The following RUNX1T1 variants were observed in gnomAD, a reference collection of about 807,000 sequenced individuals.
RUNX1T1 encodes the protein RUNX1 partner transcriptional co-repressor 1.
RUNX1T1 carries 4 observed loss-of-function variants against 62.8 expected under a neutral mutation model. The observed-to-expected ratio is 0.06, with a 90% confidence interval of 0.03 to 0.15. The LOEUF (loss-of-function observed/expected upper bound fraction) is 0.15, where lower values mean the gene tolerates loss of function less well. Among genes scored for constraint, RUNX1T1 ranks in the 10% least tolerant of loss-of-function variants. The pLI, the probability that RUNX1T1 is intolerant of heterozygous loss-of-function variation, is 1.00. For synonymous variants in RUNX1T1, 291 were observed against 286.0 expected (o/e 1.02, Z -0.18); for missense variants, 508 against 754.3 (o/e 0.67, Z 3.82).
At chr8:92,064,793 A>G (rs1832619257), upstream of RUNX1T1, among the ~76,000 whole-genome samples, 1 of 152,210 alleles carries the variant, frequency 6.6e-6, no homozygotes, top group African/African-American at 2.4e-5. Flanking sequence ...GGGTCTTAAT[A>G]TCGGTACACT....
At chr8:91,992,857 T>C (rs547188691) in intron 5 of RUNX1T1, among the ~76,000 whole-genome samples, 3 of 152,352 alleles carry the variant, frequency 2.0e-5, no homozygotes, top group South Asian at 4.1e-4. Flanking sequence ...TAAGACCTGA[T>C]AACTAGTCAC....
intron 5 of RUNX1T1, among the ~76,000 whole-genome samples, chr8:92,001,064 A>G (rs1819657745): frequency 6.6e-6 from 1 of 152,070 alleles, no homozygotes; most frequent in East Asian, 1.9e-4. Flanking sequence ...GGTGGTGCAT[A>G]CCTGTAGTCC....
chr8:92,017,733 C>G, intron 1 of RUNX1T1: 4 of 834,046 alleles, frequency 4.8e-6, no homozygotes, highest in South Asian at 7.1e-5. Context: ...CTCATGACAG[C>G]TCAGAAATAA....
intron 9 of RUNX1T1, among the ~76,000 whole-genome samples, chr8:91,971,774 G>A (rs569817588): frequency 1.8e-4 from 27 of 152,132 alleles, no homozygotes; most frequent in Non-Finnish European, 3.4e-4. Flanking sequence ...GCCTGACTAT[G>A]AGTCTGCAAG....
Position 92,012,064 on chromosome 8 carries a change from T to C in RUNX1T1, c.388-973A>G, listed in dbSNP as rs529207072. The stretch of plus-strand genomic sequence containing the variant: ...TTACAATATTGCTCCACCCACTTTT[T>C]TGTGCATGTTTCCTTTTATAACAAA... On this transcript the variant is annotated intron_variant, in intron 3 of 10. Transcript: ENST00000396218. Among the ~76,000 whole-genome samples the C allele has an allele frequency of 9.8e-5, 15 of 152,346 alleles. No homozygotes were observed. The East Asian group carries it at 2.9e-3, about 29-fold the overall frequency.
chr8:92,019,418 G>C (rs1823653397), intron 1 of RUNX1T1, among the ~76,000 whole-genome samples: 1 of 152,062 alleles, frequency 6.6e-6, no homozygotes, highest in Non-Finnish European at 1.5e-5. Context: ...GGAAGAGCAG[G>C]AGGGGGAGGG....
chr8:91,998,978 G>T (rs1402151430), intron 5 of RUNX1T1, among the ~76,000 whole-genome samples: 1 of 152,100 alleles, frequency 6.6e-6, no homozygotes, highest in Non-Finnish European at 1.5e-5. Flanking sequence ...TGAATTATTT[G>T]TTCAATAGTG....
intron 10 of RUNX1T1, among the ~76,000 whole-genome samples, chr8:91,968,288 C>T (rs1423880008): frequency 1.3e-5 from 2 of 152,028 alleles, no homozygotes; most frequent in Admixed American, 6.6e-5. Flanking sequence ...TGGAAGGGGG[C>T]GCTCGTAATA....
intron 1 of RUNX1T1, among the ~76,000 whole-genome samples, chr8:92,022,601 T>C (rs1824334842): frequency 1.3e-5 from 2 of 152,138 alleles, no homozygotes; most frequent in South Asian, 4.1e-4. Flanking sequence ...AAAAAGGCAC[T>C]ATTCTAGCAA....
intron 1 of RUNX1T1, chr8:92,095,560 C>T: frequency 6.9e-6 from 10 of 1,449,056 alleles, no homozygotes; most frequent in Non-Finnish European, 8.1e-6. Context: ...CAGATGGAGG[C>T]AGGAAAATAA....
chr8:92,005,315 G>A lies in RUNX1T1; in HGVS notation c.478-18C>T, dbSNP rs770747722. ...AAGTTGGCCTGCAAGGGAATGACAG[G>A]AATGAGAGGACGGACTGAAAGTTTT... On this transcript the variant is annotated intron_variant, in intron 4 of 10. Coordinates refer to ENST00000396218, the Ensembl canonical transcript of RUNX1T1. 47 of 1,606,096 alleles carry A rather than the reference G, an allele frequency of 2.9e-5. No homozygotes were observed. Among genetic ancestry groups the A allele is most frequent in the Non-Finnish European group, 3.4e-5 (40 of 1,177,652 alleles).
At chr8:92,090,696 G>A (rs539934391) in intron 1 of RUNX1T1, among the ~76,000 whole-genome samples, 3 of 152,252 alleles carry the variant, frequency 2.0e-5, no homozygotes, top group African/African-American at 7.2e-5. Context: ...AGAATATGCA[G>A]CCAATTTTTC....
intron 1 of RUNX1T1, among the ~76,000 whole-genome samples, chr8:92,034,779 CATATATATATACATATAT>C (rs1827015286): frequency 3.2e-5 from 4 of 126,034 alleles, no homozygotes; most frequent in African/African-American, 1.2e-4. Context: ...TATATATACA[CATATATATATACATATAT>C]ACACACACAC....
chr8:92,071,364 C>T (rs1352907582), intron 2 of RUNX1T1: 1 of 152,172 alleles, frequency 6.6e-6, no homozygotes, highest in Non-Finnish European at 1.5e-5. Flanking sequence ...ACATAGGACA[C>T]TATATAATGG....
intron 6 of RUNX1T1, among the ~76,000 whole-genome samples, chr8:91,990,145 A>G (rs956649648): frequency 1.3e-5 from 2 of 152,190 alleles, no homozygotes; most frequent in Admixed American, 6.5e-5. Flanking sequence ...GTAAACTTCT[A>G]TATATTAGGC....
intron 9 of RUNX1T1, among the ~76,000 whole-genome samples, chr8:91,975,031 T>C (rs1328554487): frequency 6.6e-6 from 1 of 152,206 alleles, no homozygotes; most frequent in African/African-American, 2.4e-5. Context: ...GAAGTAGCAT[T>C]TCCCAGTTTC....
intron 9 of RUNX1T1, among the ~76,000 whole-genome samples, chr8:91,972,098 C>A (rs1010373577): frequency 3.9e-5 from 6 of 152,094 alleles, no homozygotes; most frequent in African/African-American, 1.2e-4. Context: ...GTTTCACCCA[C>A]TTAAAAAGCA....
chr8:92,025,247 C>A (rs1294618059), intron 1 of RUNX1T1, among the ~76,000 whole-genome samples: 2 of 152,142 alleles, frequency 1.3e-5, no homozygotes, highest in Non-Finnish European at 2.9e-5. Flanking sequence ...AGAGATCCTG[C>A]CTCTCTCCTC....
At chr8:91,993,633 T>C (rs577591075) in intron 5 of RUNX1T1, among the ~76,000 whole-genome samples, 1 of 152,030 alleles carries the variant, frequency 6.6e-6, no homozygotes, top group African/African-American at 2.4e-5. Context: ...CAGGCTTTTT[T>C]CCCCCCAGCT....
Sources: allele counts gnomAD v4.1 joint callset (sites outside exome capture counted in the v4.1 genomes callset), GRCh38; gene constraint gnomAD v4.1.1; transcripts MANE v1.5; gene names NCBI Gene and HGNC (gene_info 2026-07-23, HGNC 2026-07-21).